GLTP: variants seen among roughly 807,000 people sequenced by gnomAD.
GLTP encodes the protein glycolipid transfer protein.
GLTP carries 22 observed loss-of-function variants against 24.0 expected under a neutral mutation model. That is an observed-to-expected ratio of 0.92 (90% confidence interval 0.65 to 1.31). The LOEUF (loss-of-function observed/expected upper bound fraction) is 1.31. GLTP is among the 50% of genes most tolerant of loss of function. The pLI is 0.00. For synonymous variants in GLTP, 92 were observed against 115.9 expected (o/e 0.79, Z 1.33); for missense variants, 224 against 276.6 (o/e 0.81, Z 1.35).
intron 1 of GLTP, chr12:109,859,907 T>C (rs1354025303): frequency 6.6e-6 from 1 of 152,284 alleles, no homozygotes; most frequent in Non-Finnish European, 1.5e-5. Context: ...TTTATTAGAT[T>C]GGTGCAAAAG....
At chr12:109,861,507 T>G (rs1868370937) in intron 1 of GLTP, among the ~76,000 whole-genome samples, 1 of 152,144 alleles carries the variant, frequency 6.6e-6, no homozygotes, top group African/African-American at 2.4e-5. Flanking sequence ...CCCAGCACTT[T>G]GGGAGGCCAA....
intron 1 of GLTP, among the ~76,000 whole-genome samples, chr12:109,865,976 C>T (rs971620346): frequency 2.6e-5 from 4 of 152,042 alleles, no homozygotes; most frequent in Admixed American, 6.6e-5. Flanking sequence ...ATGGGGGAGA[C>T]GAGAAATCCC....
chr12:109,879,894 G>A (rs1158844644), intron 1 of GLTP, among the ~76,000 whole-genome samples: 2 of 151,912 alleles, frequency 1.3e-5, no homozygotes, highest in East Asian at 3.9e-4. Flanking sequence ...AGGGATGAAG[G>A]ACTTTGGGGA....
intron 4 of GLTP, among the ~76,000 whole-genome samples, chr12:109,853,891 C>T (rs983812223): frequency 2.6e-4 from 39 of 150,914 alleles, no homozygotes; most frequent in African/African-American, 9.2e-4. Context: ...TACAGGTGCC[C>T]GCCACCATGC....
intron 4 of GLTP, among the ~76,000 whole-genome samples, chr12:109,854,365 C>CAA (rs34720686): frequency 0.093 from 9,022 of 97,252 alleles, 526 homozygotes; most frequent in Middle Eastern, 0.13. Context: ...GACCCTGTCT[C>CAA]AAAAAAAAAA....
chr12:109,853,645 G>A (rs1565896508), intron 4 of GLTP, among the ~76,000 whole-genome samples: 3 of 149,166 alleles, frequency 2.0e-5, no homozygotes, highest in Non-Finnish European at 4.4e-5. Context: ...CTGAGATCAC[G>A]CCACTGCACT....
intron 4 of GLTP, among the ~76,000 whole-genome samples, chr12:109,853,082 G>T (rs1379960002): frequency 6.6e-6 from 1 of 152,076 alleles, no homozygotes; most frequent in Non-Finnish European, 1.5e-5. Context: ...AAGGATTAGG[G>T]GGCTTGTACA....
intron 1 of GLTP, among the ~76,000 whole-genome samples, chr12:109,864,045 GT>G (rs1868445388): frequency 6.6e-6 from 1 of 152,208 alleles, no homozygotes; most frequent in African/African-American, 2.4e-5. Context: ...GGCCACCATG[GT>G]CAGCAGAAGC....
intron 1 of GLTP, among the ~76,000 whole-genome samples, chr12:109,871,906 G>A (rs1868732079): frequency 6.6e-6 from 1 of 152,226 alleles, no homozygotes; most frequent in African/African-American, 2.4e-5. Flanking sequence ...CACAGTGGAG[G>A]GCTGTCCCTC....
chr12:109,858,868 G>C (rs1232011650), intron 1 of GLTP, 127 bp from the exon 2 acceptor site: 1 of 707,638 alleles, frequency 1.4e-6, no homozygotes, highest in African/African-American at 1.7e-5. Flanking sequence ...AGTTGTTCTG[G>C]ATGTTACTAA....
rs1892790458 is a variant in GLTP, at chr12:109,855,916, C to G, written c.297-147G>C. ...GTTATTCCCTAATCATCTTTCCCTT[C>G]TGCTTACAAGTAACGTGACCACTTG... On this transcript the variant is annotated intron_variant, in intron 3 of 4. Transcript: ENST00000318348. This position sits in a 1 kb window ranked among gnomAD's most constrained non-coding sequence, Gnocchi z 4.1. 1 of 590,454 alleles carries G rather than the reference C, an allele frequency of 1.7e-6. No homozygotes were observed. Among genetic ancestry groups the G allele is most frequent in the South Asian group, 2.9e-5 (1 of 34,464 alleles). The allele number at this position is 590,454 out of a possible 1,614,324, so 36.6% of individuals were successfully genotyped here.
In GLTP at chr12:109,851,099, T is replaced by C. The variant is rs1892716225; in HGVS notation, c.*1456A>G. On this transcript the variant is annotated 3_prime_UTR_variant, in exon 5 of 5. Coordinates refer to ENST00000318348, the MANE Select transcript of GLTP (RefSeq NM_016433.4). ...GCACTTTAAAAAATACAGCTCTTTT[T>C]AGCGCCAGGAAGAACAGTTAAGGTT... is the stretch of plus-strand genomic sequence containing the variant. 1 of 152,622 alleles carries C rather than the reference T, an allele frequency of 6.6e-6. No individual in the cohort carries two copies. Among genetic ancestry groups the C allele is most frequent in the Non-Finnish European group, 1.5e-5 (1 of 68,032 alleles). 9.5% of individuals were successfully genotyped at this position (152,622 alleles called of 1,614,324 possible). A position where few individuals can be genotyped will look rare whatever the true frequency, so the allele number is the denominator to read the frequency against.
intron 1 of GLTP, among the ~76,000 whole-genome samples, chr12:109,878,396 T>A (rs1435194175): frequency 6.6e-6 from 1 of 152,144 alleles, no homozygotes; most frequent in East Asian, 1.9e-4. Flanking sequence ...ACTGAGCAGC[T>A]CCCTGGCCTC....
At chr12:109,874,656 C>T (rs1034477939) in intron 1 of GLTP, among the ~76,000 whole-genome samples, 14 of 152,136 alleles carry the variant, frequency 9.2e-5, no homozygotes, top group African/African-American at 3.4e-4. Context: ...TGTTTAGGCT[C>T]AAAGGGGAAA....
At chr12:109,858,798 C>T in intron 1 of GLTP, 57 bp from the exon 2 acceptor site, 2 of 1,121,000 alleles carry the variant, frequency 1.8e-6, no homozygotes, top group Non-Finnish European at 2.7e-6. Flanking sequence ...TTTTTCAGGG[C>T]CACCGCAGGC....
At chr12:109,872,321 T>C (rs1868749785) in intron 1 of GLTP, among the ~76,000 whole-genome samples, 1 of 151,962 alleles carries the variant, frequency 6.6e-6, no homozygotes, top group Non-Finnish European at 1.5e-5. Context: ...CACACAGCTG[T>C]TGGGAAACGG....
intron 1 of GLTP, among the ~76,000 whole-genome samples, chr12:109,877,068 G>A (rs1592895328): frequency 6.6e-6 from 1 of 152,178 alleles, no homozygotes; most frequent in East Asian, 1.9e-4. Context: ...TGCCCAGGCT[G>A]GTCTCAAACT....
At chr12:109,870,672 G>C (rs969782658) in intron 1 of GLTP, among the ~76,000 whole-genome samples, 4 of 152,066 alleles carry the variant, frequency 2.6e-5, no homozygotes, top group African/African-American at 9.7e-5. Context: ...AAGAATTATT[G>C]ACTCATTGAT....
At chr12:109,861,498 C>T (rs1733467725) in intron 1 of GLTP, among the ~76,000 whole-genome samples, 1 of 152,144 alleles carries the variant, frequency 6.6e-6, no homozygotes, top group Non-Finnish European at 1.5e-5. Flanking sequence ...GCCTGTAATC[C>T]CAGCACTTTG....
Sources: gnomAD v4.1 joint callset for allele counts (sites outside exome capture counted in the v4.1 genomes callset) on GRCh38, gnomAD v4.1.1 for gene constraint, Gnocchi (gnomAD v3.1) non-coding constraint, MANE v1.5 for transcripts, NCBI Gene and HGNC (gene_info 2026-07-23, HGNC 2026-07-21) for gene names.